The following SPHKAP variants were observed in gnomAD, a reference collection of about 807,000 sequenced individuals.
SPHKAP encodes the protein A-kinase anchor protein SPHKAP.
Under a neutral mutation model 137.5 loss-of-function variants are expected in SPHKAP, and 67 were observed. The observed-to-expected ratio is 0.49, with a 90% CI of 0.40 to 0.60. The LOEUF is 0.60. SPHKAP is among the 20% of genes least tolerant of loss of function. The pLI is 0.00. For missense variants in SPHKAP, 2,097 were observed against 2,069.3 expected, an observed-to-expected ratio of 1.01 and a Z score of -0.26; for synonymous variants, 813 against 785.3, an observed-to-expected ratio of 1.04 and a Z score of -0.59.
intron 3 of SPHKAP, among the ~76,000 whole-genome samples, chr2:228,045,107 G>A (rs1177611311): frequency 6.6e-6 from 1 of 151,712 alleles, no homozygotes; most frequent in Non-Finnish European, 1.5e-5. Context: ...AACAGGTGCT[G>A]GAGAGGATGT....
At chr2:228,160,291 C>T (rs56182749) in intron 1 of SPHKAP, among the ~76,000 whole-genome samples, 24,896 of 152,084 alleles carry the variant, frequency 0.16, 2,460 homozygotes, top group Middle Eastern at 0.24. Flanking sequence ...ACTTTGTTAC[C>T]GGTAAACTTT....
At chr2:228,092,158 TATATGTGTGTACACACAC>T (rs1340013308) in intron 3 of SPHKAP, among the ~76,000 whole-genome samples, 1 of 111,736 alleles carries the variant, frequency 8.9e-6, no homozygotes, top group East Asian at 2.6e-4. Flanking sequence ...TACATATACA[TATATGTGTGTACACACAC>T]ATGTGTGTAC....
intron 1 of SPHKAP, among the ~76,000 whole-genome samples, chr2:228,163,205 C>T (rs1700326791): frequency 6.6e-6 from 1 of 152,162 alleles, no homozygotes; most frequent in African/African-American, 2.4e-5. Context: ...ATTACCAACA[C>T]AACCCAATGT....
rs76019837 is a variant in SPHKAP at position 228,038,036 on chromosome 2, G to T, written c.247-10493C>A. ...CTGGGGAGTGGTGAGCCTGGATTAG[G>T]AGGCTTTGATGAGGAGACTGAACGT... On this transcript the variant is annotated intron_variant, in intron 3 of 11. Transcript: ENST00000392056. Among the ~76,000 whole-genome samples, 382 of 152,320 alleles carry T rather than the reference G, an allele frequency of 2.5e-3. 20 individuals carry two copies. The East Asian group carries it at 0.062, about 25-fold the overall frequency.
At chr2:227,988,779 G>A (rs1693304890) in intron 11 of SPHKAP, among the ~76,000 whole-genome samples, 1 of 152,166 alleles carries the variant, frequency 6.6e-6, no homozygotes, top group Non-Finnish European at 1.5e-5. Context: ...TGTATGGCAT[G>A]GGGGTAGGGT....
chr2:228,016,726 A>T lies in SPHKAP; in HGVS notation c.4128T>A (p.Val1376=), dbSNP rs1238308246. 1.2e-6 allele frequency: 2 copies of T among 1,613,990 alleles called. No individual in the cohort carries two copies. Among genetic ancestry groups the T allele is most frequent in the Non-Finnish European group, 1.7e-6 (2 of 1,180,028 alleles). The change falls in exon 7 of 12, where the codon GTT becomes GTA. Residue 1376 remains valine (V), a synonymous_variant. Coordinates refer to ENST00000392056, the MANE Select transcript of SPHKAP (RefSeq NM_001142644.2). The stretch of plus-strand genomic sequence containing the variant: ...ACACTGGGGGCTGTTTACATTCGGT[A>T]ACAGAGTCTTTCCTCGGGCAATCGA... ...ESLDCPRKDS[V]TECKQPPVSS... is the part of the protein sequence containing the mutation.
chr2:228,024,057 A>G (rs1367291752), intron 5 of SPHKAP, among the ~76,000 whole-genome samples: 1 of 152,212 alleles, frequency 6.6e-6, no homozygotes, highest in Non-Finnish European at 1.5e-5. Context: ...AGAGGCCACA[A>G]GAGAAAAATC....
At chr2:228,172,202 G>C (rs1700606263) in intron 1 of SPHKAP, among the ~76,000 whole-genome samples, 1 of 152,156 alleles carries the variant, frequency 6.6e-6, no homozygotes, top group Non-Finnish European at 1.5e-5. Context: ...GTATTTGCAA[G>C]AGTTAAAAGC....
At chr2:228,075,965 C>T (rs1697167535) in intron 3 of SPHKAP, among the ~76,000 whole-genome samples, 1 of 152,278 alleles carries the variant, frequency 6.6e-6, no homozygotes, top group East Asian at 1.9e-4. Context: ...TCCCACAATT[C>T]CCTCGTGTTG....
intron 1 of SPHKAP, among the ~76,000 whole-genome samples, chr2:228,147,059 A>G (rs189798666): frequency 6.6e-6 from 1 of 152,322 alleles, no homozygotes; most frequent in Non-Finnish European, 1.5e-5. Context: ...GCCATATTTT[A>G]TTTCTAAATT....
rs575344325 is a variant in SPHKAP, at chr2:228,109,306, A to G, written c.139-367T>C. 26 of 916,114 alleles carry G rather than the reference A, an allele frequency of 2.8e-5. No homozygotes were observed. The African/African-American group carries it at 4.5e-4, about 16-fold the overall frequency. The allele number at this position is 916,114 out of a possible 1,614,324, so 56.7% of individuals were successfully genotyped here. On this transcript the variant is annotated intron_variant, in intron 2 of 11. Coordinates refer to ENST00000392056, the MANE Select transcript of SPHKAP (RefSeq NM_001142644.2). ...TAGTGCTAGTGTTCTTTCACACTCC[A>G]TAAGTATTTTCAATTAACAAAATAT... is the stretch of plus-strand genomic sequence containing the variant.
intron 7 of SPHKAP, among the ~76,000 whole-genome samples, chr2:228,001,437 ATATATATG>A (rs955335485): frequency 6.6e-4 from 81 of 122,328 alleles, no homozygotes; most frequent in African/African-American, 2.0e-3. Context: ...ATATATAAAT[ATATATATG>A]TATATATACG....
Position 228,019,704 on chromosome 2 carries a change from C to T in SPHKAP, c.1150G>A (p.Gly384Arg), listed in dbSNP as rs140937735. The change falls in exon 7 of 12, where the codon GGA becomes AGA. Residue 384 changes from glycine to arginine, a missense_variant. By Grantham distance (125) the Gly-to-Arg change is moderately radical. Coordinates refer to ENST00000392056, the MANE Select transcript of SPHKAP (RefSeq NM_001142644.2). ...GCATACTTGCCAGTGGTGACTTCTC[C>T]ATCTTGTCTAGGAGGGAGAGCGTTT... ...TRNALPPRQD[G>R]EVTTGKYATN... is the part of the protein sequence containing the mutation. The T allele has an allele frequency of 1.0e-3, 1,628 of 1,614,202 alleles. 2 individuals carry two copies. The highest frequency in any genetic ancestry group is 2.3e-3 in the Middle Eastern group (14 of 6,062).
At chr2:228,028,016 C>G (rs968026353) in intron 3 of SPHKAP, 1 of 984,554 alleles carries the variant, frequency 1.0e-6, no homozygotes, top group Non-Finnish European at 1.2e-6. Flanking sequence ...ACTTTTGAGC[C>G]TCCAAATAGC....
intron 3 of SPHKAP, among the ~76,000 whole-genome samples, chr2:228,103,960 C>T (rs1698253951): frequency 6.6e-6 from 1 of 151,948 alleles, no homozygotes; most frequent in African/African-American, 2.4e-5. Flanking sequence ...TGTACATTTT[C>T]ACAGAAACAC....
chr2:228,111,664 T>G (rs951229761), intron 2 of SPHKAP, among the ~76,000 whole-genome samples: 1 of 152,188 alleles, frequency 6.6e-6, no homozygotes, highest in African/African-American at 2.4e-5. Flanking sequence ...TACTTTTTCA[T>G]TTAATCTTTT....
At chr2:228,057,082 A>G (rs1027971439) in intron 3 of SPHKAP, among the ~76,000 whole-genome samples, 1 of 152,230 alleles carries the variant, frequency 6.6e-6, no homozygotes, top group African/African-American at 2.4e-5. Context: ...ACTTGACATT[A>G]TCCCTCACTT....
At chr2:227,997,505 G>A (rs1693680520) in intron 7 of SPHKAP, among the ~76,000 whole-genome samples, 1 of 152,182 alleles carries the variant, frequency 6.6e-6, no homozygotes, top group East Asian at 1.9e-4. Context: ...CTTAGTGCCT[G>A]TATATAAGTA....
At chr2:228,058,237 T>G (rs966197947) in intron 3 of SPHKAP, among the ~76,000 whole-genome samples, 4 of 152,224 alleles carry the variant, frequency 2.6e-5, no homozygotes, top group African/African-American at 9.6e-5. Flanking sequence ...CTTCCATTTT[T>G]TTGGCAATGT....
Sources: allele counts gnomAD v4.1 joint callset (sites outside exome capture counted in the v4.1 genomes callset), GRCh38; gene constraint gnomAD v4.1.1; transcripts MANE v1.5; gene names NCBI Gene and HGNC (gene_info 2026-07-23, HGNC 2026-07-21).